Variants in SNX4 observed in about 807,000 individuals in gnomAD.
SNX4 encodes the protein sorting nexin-4.
SNX4 carries 49 observed loss-of-function variants against 70.8 expected under a neutral mutation model. The ratio of observed to expected loss-of-function variants is 0.69; its 90% CI spans 0.55 to 0.88. The LOEUF is 0.88. Ranked by LOEUF, SNX4 falls within the 40% of genes least tolerant of loss-of-function variation. The probability of loss-of-function intolerance (pLI) is 0.00; values close to 1 mark genes in which losing one functional copy is unlikely to be tolerated. For synonymous variants in SNX4, 206 were observed against 183.8 expected, an observed-to-expected ratio of 1.12 and a Z score of -0.98; for missense variants, 528 against 544.8, an observed-to-expected ratio of 0.97 and a Z score of 0.31.
chr3:125,519,008 C>T (rs779042950), intron 1 of SNX4, among the ~76,000 whole-genome samples: 23 of 151,822 alleles, frequency 1.5e-4, no homozygotes, highest in Non-Finnish European at 3.1e-4. Flanking sequence ...GACTATGTCT[C>T]AAAATAAATA....
At chr3:125,468,420 G>C (rs1390718282) in intron 9 of SNX4, among the ~76,000 whole-genome samples, 1 of 151,716 alleles carries the variant, frequency 6.6e-6, no homozygotes, top group Non-Finnish European at 1.5e-5. Flanking sequence ...TCAGTTGTTG[G>C]CCAGGTGTGC....
At chr3:125,471,634 C>T (rs533589034) in intron 8 of SNX4, among the ~76,000 whole-genome samples, 38 of 152,228 alleles carry the variant, frequency 2.5e-4, no homozygotes, top group African/African-American at 8.7e-4. Context: ...TTAAAATGTT[C>T]AATTAACAGA....
Position 125,471,344 on chromosome 3 carries a change from C to CAAAAAAAAAA in SNX4, c.789-1835_789-1826dup, listed in dbSNP as rs767432586. 1.2e-3 allele frequency among the ~76,000 whole-genome samples: 33 copies of CAAAAAAAAAA among 28,158 alleles called. 3 individuals are homozygous for CAAAAAAAAAA. The highest frequency in any genetic ancestry group is 4.2e-3 in the African/African-American group (23 of 5,456). The allele number at this position is 28,158 out of a possible 152,430, so 18.5% of individuals were successfully genotyped here. A position where few individuals can be genotyped will look rare whatever the true frequency, so the allele number is the denominator to read the frequency against. ...GGGCAACAAGAGCAAAGCTCCATCT[C>CAAAAAAAAAA]AAAAAAAAAAAAAAAAAAAAAAAAA... On this transcript the variant is annotated intron_variant, in intron 8 of 13. Coordinates refer to ENST00000251775, the MANE Select transcript of SNX4 (RefSeq NM_003794.4).
At chr3:125,451,468 T>C (rs1157004574) in intron 12 of SNX4, 49 bp from the exon 13 acceptor site, 1 of 1,389,110 alleles carries the variant, frequency 7.2e-7, no homozygotes, top group South Asian at 1.2e-5. Context: ...AAATAAACTG[T>C]GTACTAAAAA....
chr3:125,467,314 G>A (rs1489105895), intron 9 of SNX4, among the ~76,000 whole-genome samples: 1 of 151,984 alleles, frequency 6.6e-6, no homozygotes, highest in Non-Finnish European at 1.5e-5. Flanking sequence ...TTGAACCTGG[G>A]AGGCAGAGGT....
At position 125,482,721 on chromosome 3, in the gene SNX4, A is replaced by C. The variant is rs544666608; in HGVS notation, c.654-2402T>G. 1.2e-4 allele frequency among the ~76,000 whole-genome samples: 19 copies of C among 152,262 alleles called. No individual in the cohort carries two copies. In the South Asian group the frequency reaches 2.7e-3, roughly 22 times the overall value. On this transcript the variant is annotated intron_variant, in intron 6 of 13. Coordinates refer to ENST00000251775, the MANE Select transcript of SNX4 (RefSeq NM_003794.4). ...AAAAAACTTTTCACAGTCCCCAAGT[A>C]TTCAGTTACTGTGGTTCATTGAAAT...
At chr3:125,480,008 A>G (rs148434426) in intron 7 of SNX4, among the ~76,000 whole-genome samples, 2 of 152,258 alleles carry the variant, frequency 1.3e-5, no homozygotes, top group Non-Finnish European at 2.9e-5. Flanking sequence ...GCCTTTTGAT[A>G]ACATCCAAAA....
intron 8 of SNX4, among the ~76,000 whole-genome samples, chr3:125,471,317 G>A (rs916549714): frequency 1.1e-5 from 1 of 92,794 alleles, no homozygotes; most frequent in African/African-American, 5.0e-5. Flanking sequence ...GCACTCCAGT[G>A]TGGGCAACAA....
intron 12 of SNX4, among the ~76,000 whole-genome samples, chr3:125,452,771 C>A (rs1933608233): frequency 6.6e-6 from 1 of 152,024 alleles, no homozygotes; most frequent in Non-Finnish European, 1.5e-5. Flanking sequence ...GCGCCTGCCA[C>A]CGCGCTCGGC....
intron 6 of SNX4, among the ~76,000 whole-genome samples, chr3:125,486,448 G>C (rs1934535962): frequency 6.6e-6 from 1 of 152,034 alleles, no homozygotes; most frequent in Non-Finnish European, 1.5e-5. Flanking sequence ...TGAGTGGTTA[G>C]TATTGTTTAT....
intron 8 of SNX4, among the ~76,000 whole-genome samples, chr3:125,472,738 C>A (rs1559814472): frequency 6.6e-6 from 1 of 152,054 alleles, no homozygotes; most frequent in Non-Finnish European, 1.5e-5. Context: ...GAATTCTCTG[C>A]ACTGTTTGAG....
intron 1 of SNX4, among the ~76,000 whole-genome samples, chr3:125,513,459 T>C (rs1375176340): frequency 6.6e-6 from 1 of 152,216 alleles, no homozygotes; most frequent in Non-Finnish European, 1.5e-5. Context: ...TTAATGCATA[T>C]CAAGAGTTTT....
intron 1 of SNX4, among the ~76,000 whole-genome samples, chr3:125,517,778 C>T (rs979364134): frequency 3.3e-5 from 5 of 152,008 alleles, no homozygotes; most frequent in Admixed American, 2.6e-4. Context: ...GAGTTCGAGA[C>T]CAGCCTGGCG....
At chr3:125,480,350 T>G in intron 6 of SNX4, 31 bp from the exon 7 acceptor site, 1 of 1,410,706 alleles carries the variant, frequency 7.1e-7, no homozygotes, top group Non-Finnish European at 9.5e-7. Context: ...AACATCGTTT[T>G]TCAAATGAAA....
chr3:125,481,419 A>C (rs553928043), intron 6 of SNX4, among the ~76,000 whole-genome samples: 3 of 148,422 alleles, frequency 2.0e-5, no homozygotes, highest in Non-Finnish European at 4.5e-5. Flanking sequence ...TATATCTCCA[A>C]CTGTAGTCTG....
At chr3:125,488,239 G>A (rs1033872461) in intron 6 of SNX4, among the ~76,000 whole-genome samples, 20 of 150,788 alleles carry the variant, frequency 1.3e-4, no homozygotes, top group African/African-American at 4.9e-4. Flanking sequence ...ACTTTGGGAG[G>A]CCAAGGCGGG....
At chr3:125,490,267 G>T (rs1934622853) in intron 5 of SNX4, among the ~76,000 whole-genome samples, 1 of 152,020 alleles carries the variant, frequency 6.6e-6, no homozygotes, top group Admixed American at 6.5e-5. Flanking sequence ...GGGCGCGGTG[G>T]CTCACGCTTG....
intron 8 of SNX4, among the ~76,000 whole-genome samples, chr3:125,475,007 C>A (rs1371192786): frequency 6.6e-6 from 1 of 152,122 alleles, no homozygotes; most frequent in Non-Finnish European, 1.5e-5. Flanking sequence ...GACTTCAAAA[C>A]GTATAATACT....
At chr3:125,485,006 G>T (rs1315274073) in intron 6 of SNX4, among the ~76,000 whole-genome samples, 1 of 152,050 alleles carries the variant, frequency 6.6e-6, no homozygotes, top group African/African-American at 2.4e-5. Context: ...GGCGGAGGTT[G>T]CAGTGAGCCA....
Sources: allele counts gnomAD v4.1 joint callset (sites outside exome capture counted in the v4.1 genomes callset), GRCh38; gene constraint gnomAD v4.1.1; transcripts MANE v1.5; gene names NCBI Gene and HGNC (gene_info 2026-07-23, HGNC 2026-07-21).